ARFGEF3: variants seen among roughly 807,000 people sequenced by gnomAD.
The protein encoded by ARFGEF3 is ARFGEF family member 3.
Under a neutral mutation model 221.7 loss-of-function variants are expected in ARFGEF3, and 96 were observed. The observed-to-expected ratio is 0.43, with a 90% CI of 0.37 to 0.51. The LOEUF (loss-of-function observed/expected upper bound fraction) is 0.51. ARFGEF3 is among the 20% of genes least tolerant of loss of function. ARFGEF3 has a pLI of 0.00. For synonymous variants in ARFGEF3, 1,145 were observed against 1,126.8 expected (o/e 1.02, Z -0.32); for missense variants, 2,410 against 2,789.9 (o/e 0.86, Z 3.07).
intron 19 of ARFGEF3, 41 bp from the exon 20 acceptor site, chr6:138,293,951 GA>G: frequency 6.3e-7 from 1 of 1,598,850 alleles, no homozygotes; most frequent in Non-Finnish European, 8.5e-7. Flanking sequence ...AGACCTTGCT[GA>G]ATTGTTTCCA....
At chr6:138,336,060 G>C (rs917642081) in intron 33 of ARFGEF3, among the ~76,000 whole-genome samples, 2 of 152,144 alleles carry the variant, frequency 1.3e-5, no homozygotes, top group Non-Finnish European at 1.5e-5. Context: ...TTAGTAGTTT[G>C]TGAAAGCTGA....
intron 22 of ARFGEF3, among the ~76,000 whole-genome samples, chr6:138,302,901 G>C (rs115486717): frequency 1.8e-3 from 280 of 152,264 alleles, no homozygotes; most frequent in African/African-American, 5.6e-3. Context: ...ATTCCTTTAA[G>C]CTGAAAGAAA....
chr6:138,190,831 G>C (rs771221629), intron 2 of ARFGEF3, among the ~76,000 whole-genome samples: 3 of 152,204 alleles, frequency 2.0e-5, no homozygotes, highest in African/African-American at 7.2e-5. Flanking sequence ...CTGCAGGGAT[G>C]CTGGTGCTTG....
At chr6:138,316,136 C>A (rs1413583453) in intron 26 of ARFGEF3, among the ~76,000 whole-genome samples, 1 of 152,058 alleles carries the variant, frequency 6.6e-6, no homozygotes, top group Non-Finnish European at 1.5e-5. Flanking sequence ...TTGTGCAAAT[C>A]TTTGATTTTT....
chr6:138,301,796 G>A (rs1389290033), intron 22 of ARFGEF3, among the ~76,000 whole-genome samples: 1 of 152,178 alleles, frequency 6.6e-6, no homozygotes, highest in African/African-American at 2.4e-5. Context: ...GAACCTTAAA[G>A]ACTCAAGGTG....
At chr6:138,323,299 G>A (rs137985413) in intron 29 of ARFGEF3, among the ~76,000 whole-genome samples, 119 of 152,200 alleles carry the variant, frequency 7.8e-4, no homozygotes, top group Non-Finnish European at 1.3e-3. Context: ...TAAATTTTGT[G>A]GCAACAAAAT....
At chr6:138,270,463 C>CACAT (rs879929949) in intron 12 of ARFGEF3, among the ~76,000 whole-genome samples, 412 of 123,864 alleles carry the variant, frequency 3.3e-3, no homozygotes, top group South Asian at 0.023. Flanking sequence ...CACACACACA[C>CACAT]ATATATATAT....
intron 2 of ARFGEF3, 71 bp from the exon 3 acceptor site, chr6:138,206,971 C>CAT: frequency 8.2e-7 from 1 of 1,226,680 alleles, no homozygotes; most frequent in East Asian, 2.5e-5. Context: ...GGTGGGTGTA[C>CAT]ATAAGGCTTA....
chr6:138,337,796 T>C lies in ARFGEF3; in HGVS notation c.*1310T>C, dbSNP rs1780357398. 1 of 152,214 alleles carries C rather than the reference T, an allele frequency of 6.6e-6. No homozygotes were observed. Among genetic ancestry groups the C allele is most frequent in the Non-Finnish European group, 1.5e-5 (1 of 68,022 alleles). The allele number at this position is 152,214 out of a possible 1,614,324, so 9.4% of individuals were successfully genotyped here. A position where few individuals can be genotyped will look rare whatever the true frequency, so the allele number is the denominator to read the frequency against. On this transcript the variant is annotated 3_prime_UTR_variant, in exon 34 of 34. Coordinates refer to ENST00000251691, the MANE Select transcript of ARFGEF3 (RefSeq NM_020340.5). ...ATTATTTACAGTATTTTTATATTTC[T>C]TACATTATCCTAATGATTGAAAACT...
At chr6:138,292,561 G>T (rs1410819953) in intron 19 of ARFGEF3, among the ~76,000 whole-genome samples, 1 of 152,188 alleles carries the variant, frequency 6.6e-6, no homozygotes, top group Non-Finnish European at 1.5e-5. Context: ...TCAACTGTTT[G>T]GTGGTACTTC....
intron 2 of ARFGEF3, among the ~76,000 whole-genome samples, chr6:138,180,020 C>A (rs1582997450): frequency 6.6e-6 from 1 of 152,216 alleles, no homozygotes; most frequent in Non-Finnish European, 1.5e-5. Flanking sequence ...GCTATGTTGC[C>A]CATGCTGATC....
chr6:138,176,428 G>A (rs564618247), intron 2 of ARFGEF3, among the ~76,000 whole-genome samples: 209 of 152,166 alleles, frequency 1.4e-3, no homozygotes, highest in African/African-American at 4.8e-3. Flanking sequence ...TGATCCACCC[G>A]CCTCGGCCTC....
intron 4 of ARFGEF3, 28 bp downstream of exon 4, chr6:138,210,069 G>T: frequency 2.5e-6 from 4 of 1,609,868 alleles, no homozygotes; most frequent in Non-Finnish European, 3.4e-6. Flanking sequence ...AAGAGTGTGC[G>T]TCACTGGGAC....
At chr6:138,241,205 G>A (rs1261066491) in intron 6 of ARFGEF3, among the ~76,000 whole-genome samples, 3 of 152,148 alleles carry the variant, frequency 2.0e-5, no homozygotes, top group Admixed American at 1.3e-4. Flanking sequence ...TCTAGGTCTA[G>A]CGCCTAAAAC....
chr6:138,294,303 G>T (rs1313213994), intron 20 of ARFGEF3, among the ~76,000 whole-genome samples, 177 bp downstream of exon 20: 3 of 152,200 alleles, frequency 2.0e-5, no homozygotes, highest in Non-Finnish European at 4.4e-5. Context: ...GTGAGGGGTG[G>T]TGTAACTCTT....
intron 24 of ARFGEF3, 76 bp from the exon 25 acceptor site, chr6:138,311,331 G>T: frequency 1.2e-6 from 1 of 834,678 alleles, no homozygotes; most frequent in East Asian, 2.7e-5. Flanking sequence ...AGTGCTATGT[G>T]AGTAAACAGG....
intron 10 of ARFGEF3, among the ~76,000 whole-genome samples, chr6:138,257,021 G>A (rs562051211): frequency 3.4e-4 from 51 of 152,182 alleles, no homozygotes; most frequent in African/African-American, 7.7e-4. Flanking sequence ...CAATCCGCCC[G>A]CCTCAGCCTT....
chr6:138,331,852 T>C (rs886217564), intron 32 of ARFGEF3, among the ~76,000 whole-genome samples: 3 of 152,242 alleles, frequency 2.0e-5, no homozygotes, highest in Non-Finnish European at 2.9e-5. Flanking sequence ...ATTGTTTCAC[T>C]TATCTTTCTG....
intron 27 of ARFGEF3, among the ~76,000 whole-genome samples, chr6:138,318,114 T>C (rs1433815841): frequency 6.6e-6 from 1 of 152,210 alleles, no homozygotes; most frequent in African/African-American, 2.4e-5. Context: ...GACTTGATAA[T>C]TGATACCGTT....
Sources: allele counts gnomAD v4.1 joint callset (sites outside exome capture counted in the v4.1 genomes callset), GRCh38; gene constraint gnomAD v4.1.1; transcripts MANE v1.5; gene names NCBI Gene and HGNC (gene_info 2026-07-23, HGNC 2026-07-21).